MACROD2: variants seen among roughly 807,000 people sequenced by gnomAD.
MACROD2 encodes the protein ADP-ribose glycohydrolase MACROD2.
In MACROD2, 36 loss-of-function variants were observed where a neutral mutation model predicts 70.4. The ratio of observed to expected loss-of-function variants is 0.51; its 90% CI spans 0.39 to 0.68. The LOEUF is 0.68. Among genes scored for constraint, MACROD2 ranks in the 30% least tolerant of loss-of-function variants. MACROD2 has a pLI of 0.00. For synonymous variants in MACROD2, 172 were observed against 178.8 expected, an observed-to-expected ratio of 0.96 and a Z score of 0.30; for missense variants, 496 against 538.4, an observed-to-expected ratio of 0.92 and a Z score of 0.78.
At chr20:15,302,284 TG>T (rs1448673825) in intron 6 of MACROD2, among the ~76,000 whole-genome samples, 1 of 152,112 alleles carries the variant, frequency 6.6e-6, no homozygotes, top group Non-Finnish European at 1.5e-5. Context: ...GGTGATCAAA[TG>T]CATGAGCTTA....
At chr20:15,033,670 C>T (rs181810630) in intron 5 of MACROD2, among the ~76,000 whole-genome samples, 35 of 152,326 alleles carry the variant, frequency 2.3e-4, no homozygotes, top group African/African-American at 7.5e-4. Context: ...CTATAACTCT[C>T]TAACTTGTGA....
intron 15 of MACROD2, among the ~76,000 whole-genome samples, chr20:15,994,259 T>TG (rs1053644181): frequency 3.9e-5 from 6 of 152,182 alleles, no homozygotes; most frequent in African/African-American, 1.4e-4. Context: ...GTACACACAC[T>TG]GTAGATGAAG....
chr20:14,160,189 G>C (rs922728387), intron 3 of MACROD2, among the ~76,000 whole-genome samples: 1 of 151,836 alleles, frequency 6.6e-6, no homozygotes, highest in Non-Finnish European at 1.5e-5. Context: ...TTCTTTTTTT[G>C]TTGAGTCTTT....
intron 8 of MACROD2, among the ~76,000 whole-genome samples, chr20:15,548,360 T>G (rs905408458): frequency 2.6e-5 from 4 of 152,088 alleles, no homozygotes; most frequent in African/African-American, 9.7e-5. Context: ...TCCCTCCCCT[T>G]GAATCGGGGC....
chr20:15,122,790 A>G (rs2076040148), intron 5 of MACROD2, among the ~76,000 whole-genome samples: 1 of 152,186 alleles, frequency 6.6e-6, no homozygotes, highest in African/African-American at 2.4e-5. Context: ...TGAGGGGGAA[A>G]AACACAGTTT....
intron 7 of MACROD2, among the ~76,000 whole-genome samples, chr20:15,470,388 C>A (rs972263313): frequency 5.9e-5 from 9 of 152,140 alleles, no homozygotes; most frequent in Non-Finnish European, 1.3e-4. Flanking sequence ...TTCTTCTCAG[C>A]CTCTTGGATG....
chr20:14,834,906 CTA>C (rs1348331892), intron 5 of MACROD2, among the ~76,000 whole-genome samples: 2 of 151,708 alleles, frequency 1.3e-5, no homozygotes, highest in Admixed American at 6.6e-5. Context: ...TACAGATTGA[CTA>C]TGTATAATAT....
intron 5 of MACROD2, among the ~76,000 whole-genome samples, chr20:14,948,649 A>C (rs1055250982): frequency 6.6e-6 from 1 of 152,184 alleles, no homozygotes; most frequent in Admixed American, 6.5e-5. Context: ...AAGCTCTAAA[A>C]TAGGCCTCCC....
At chr20:14,639,268 A>G (rs1055039030) in intron 4 of MACROD2, among the ~76,000 whole-genome samples, 2 of 152,000 alleles carry the variant, frequency 1.3e-5, no homozygotes, top group African/African-American at 4.8e-5. Flanking sequence ...ATTTTTTTTA[A>G]TATATAGAGT....
At chr20:14,122,622 C>T (rs1021869488) in intron 3 of MACROD2, among the ~76,000 whole-genome samples, 3 of 152,002 alleles carry the variant, frequency 2.0e-5, no homozygotes, top group African/African-American at 7.3e-5. Flanking sequence ...ATAATTCCTT[C>T]TCAAGGGGGT....
intron 5 of MACROD2, among the ~76,000 whole-genome samples, chr20:15,210,167 T>A (rs2076749070): frequency 6.6e-6 from 1 of 152,180 alleles, no homozygotes; most frequent in African/African-American, 2.4e-5. Flanking sequence ...GCAAGCTTTG[T>A]GAAAAAATGG....
chr20:15,419,836 T>G (rs1198212538), intron 6 of MACROD2, among the ~76,000 whole-genome samples: 1 of 152,180 alleles, frequency 6.6e-6, no homozygotes, highest in African/African-American at 2.4e-5. Flanking sequence ...CTTACAAAAT[T>G]AGAGGTGATT....
At position 15,937,459 on chromosome 20, in the gene MACROD2, T is replaced by A. The variant is rs370319081; in HGVS notation, c.839-17T>A. 2.0e-4 allele frequency: 318 copies of A among 1,612,780 alleles called. 2 individuals are homozygous for A. The highest frequency in any genetic ancestry group is 5.4e-4 in the South Asian group (49 of 91,066). ...GAAGGATGAACTCTGAGGCAGTGTTTCTTTTCTGCTTTATAGATGGTGTCA... is the reference window on the plus strand; with the variant it reads ...GAAGGATGAACTCTGAGGCAGTGTTACTTTTCTGCTTTATAGATGGTGTCA... On this transcript the variant is annotated splice_polypyrimidine_tract_variant and intron_variant, in intron 11 of 17. Transcript: ENST00000684519.
At chr20:15,524,297 C>T (rs924831627) in intron 8 of MACROD2, among the ~76,000 whole-genome samples, 3 of 151,784 alleles carry the variant, frequency 2.0e-5, no homozygotes, top group Non-Finnish European at 2.9e-5. Context: ...AGGCAGGCCA[C>T]GTGAATGAGT....
In MACROD2 at chr20:14,423,432, G is replaced by T. The variant is rs1600223859; in HGVS notation, c.272-70047G>T. Among the ~76,000 whole-genome samples the T allele has an allele frequency of 2.6e-5, 4 of 151,814 alleles. 1 individual carries two copies. The highest frequency in any genetic ancestry group is 2.6e-4 in the Admixed American group (4 of 15,270). On this transcript the variant is annotated intron_variant, in intron 3 of 17. Coordinates refer to ENST00000684519, the MANE Select transcript of MACROD2 (RefSeq NM_001351661.2). ...GAACTTGATGCGGCCTGGAGCGGTG[G>T]CTCACGCCTGTAATCCCAGCACTTT...
chr20:15,370,282 CAAGAG>C (rs1330786029), intron 6 of MACROD2, among the ~76,000 whole-genome samples: 1 of 151,932 alleles, frequency 6.6e-6, no homozygotes, highest in African/African-American at 2.4e-5. Context: ...TCTAAATTTG[CAAGAG>C]AAGTAAAACT....
chr20:15,508,603 T>C (rs1006817028), intron 8 of MACROD2, among the ~76,000 whole-genome samples: 10 of 152,240 alleles, frequency 6.6e-5, no homozygotes, highest in African/African-American at 2.2e-4. Context: ...AGTCAACTAA[T>C]AAGATACTTT....
chr20:14,914,274 T>A (rs6131623), intron 5 of MACROD2, among the ~76,000 whole-genome samples: 21,881 of 152,108 alleles, frequency 0.14, 1,694 homozygotes, highest in Middle Eastern at 0.26. Flanking sequence ...CATTCAAGAT[T>A]GTTCTGTTAA....
intron 3 of MACROD2, among the ~76,000 whole-genome samples, chr20:14,093,089 T>A (rs2054173492): frequency 6.6e-6 from 1 of 152,164 alleles, no homozygotes; most frequent in Non-Finnish European, 1.5e-5. Flanking sequence ...TATTTTACCT[T>A]ATTTTTTAAA....
Sources: gnomAD v4.1 joint callset for allele counts (sites outside exome capture counted in the v4.1 genomes callset) on GRCh38, gnomAD v4.1.1 for gene constraint, MANE v1.5 for transcripts, NCBI Gene and HGNC (gene_info 2026-07-23, HGNC 2026-07-21) for gene names.